The following PRELID2 variants were observed in gnomAD, a reference collection of about 807,000 sequenced individuals.
The protein encoded by PRELID2 is PRELI domain containing 2.
A neutral mutation model predicts 28.4 loss-of-function variants in PRELID2; 25 were observed. The ratio of observed to expected loss-of-function variants is 0.88; its 90% CI spans 0.64 to 1.23. The LOEUF (loss-of-function observed/expected upper bound fraction) is 1.23, where lower values mean the gene tolerates loss of function less well. PRELID2 is among the 50% of genes most tolerant of loss of function. PRELID2 has a pLI of 0.00. For synonymous variants in PRELID2, 76 were observed against 71.6 expected, an observed-to-expected ratio of 1.06 and a Z score of -0.31; for missense variants, 201 against 214.4, an observed-to-expected ratio of 0.94 and a Z score of 0.39.
chr5:145,438,735 G>A, the PRELID2 span, among the ~76,000 whole-genome samples: 1 of 152,134 alleles, frequency 6.6e-6, no homozygotes, highest in Admixed American at 6.6e-5. Flanking sequence ...GAAACCTCAT[G>A]CCTATCTTCC....
intron 1 of PRELID2, among the ~76,000 whole-genome samples, chr5:145,748,022 G>C (rs543061271): frequency 2.2e-4 from 34 of 152,098 alleles, no homozygotes; most frequent in Non-Finnish European, 4.3e-4. Flanking sequence ...AATAATAAGA[G>C]CCATTTATGA....
the PRELID2 span, among the ~76,000 whole-genome samples, chr5:145,347,506 T>A: frequency 1.5e-4 from 23 of 152,302 alleles, no homozygotes; most frequent in South Asian, 4.8e-3. Flanking sequence ...TGGATTTGAT[T>A]CAAATTTCAC....
At position 145,690,549 on chromosome 5, in the gene PRELID2, G is replaced by A. The variant is rs139606581; in HGVS notation, n.70+74382C>T. ...ACAACCACAAGAGGCAAGCTTGTTT[G>A]AATATAGGGATGCTACATCAACATG... is the stretch of plus-strand genomic sequence containing the variant. On this transcript the variant is annotated intron_variant and non_coding_transcript_variant, in intron 1 of 2. Coordinates refer to the PRELID2 transcript ENST00000510259. Among the ~76,000 whole-genome samples, 733 of 152,312 alleles carry A rather than the reference G, an allele frequency of 4.8e-3. 24 individuals are homozygous for A. The highest frequency in any genetic ancestry group is 0.037 in the Admixed American group (568 of 15,294).
the PRELID2 span, among the ~76,000 whole-genome samples, chr5:145,249,839 T>C: frequency 2.0e-5 from 3 of 151,786 alleles, no homozygotes; most frequent in Non-Finnish European, 4.4e-5. Flanking sequence ...AAGAGTGAGG[T>C]GATAGAACCT....
chr5:145,232,359 G>T, the PRELID2 span, among the ~76,000 whole-genome samples: 1 of 152,146 alleles, frequency 6.6e-6, no homozygotes, highest in African/African-American at 2.4e-5. Context: ...AAATTCAGTG[G>T]CTTGCCTGAG....
intron 1 of PRELID2, among the ~76,000 whole-genome samples, chr5:145,560,821 C>A (rs774546867): frequency 3.3e-5 from 5 of 152,186 alleles, no homozygotes; most frequent in African/African-American, 9.6e-5. Context: ...TTTCCCAGTG[C>A]AGTTAGGGCT....
At chr5:145,294,476 C>A in the PRELID2 span, among the ~76,000 whole-genome samples, 334 of 152,278 alleles carry the variant, frequency 2.2e-3, 2 homozygotes, top group African/African-American at 7.7e-3. Flanking sequence ...ACACTGTACA[C>A]AGCTGTAGAA....
chr5:145,409,159 A>T, the PRELID2 span, among the ~76,000 whole-genome samples: 1 of 152,210 alleles, frequency 6.6e-6, no homozygotes, highest in Non-Finnish European at 1.5e-5. Flanking sequence ...TTTTTCAGAC[A>T]AACAAATGCT....
At chr5:145,335,976 G>T in the PRELID2 span, among the ~76,000 whole-genome samples, 1 of 152,220 alleles carries the variant, frequency 6.6e-6, no homozygotes, top group Non-Finnish European at 1.5e-5. Context: ...TAACTGGTGT[G>T]AGATGGTATC....
At chr5:145,504,526 A>G (rs1487759804) in intron 1 of PRELID2, among the ~76,000 whole-genome samples, 2 of 152,140 alleles carry the variant, frequency 1.3e-5, no homozygotes, top group African/African-American at 2.4e-5. Context: ...CTTTCAGTGG[A>G]CAGATGACCA....
At chr5:145,658,601 C>T (rs890210103) in intron 1 of PRELID2, among the ~76,000 whole-genome samples, 7 of 152,100 alleles carry the variant, frequency 4.6e-5, no homozygotes, top group Non-Finnish European at 7.4e-5. Context: ...CTCTCTCACT[C>T]TCTCTCTCTA....
At chr5:145,311,685 A>G in the PRELID2 span, among the ~76,000 whole-genome samples, 2 of 152,220 alleles carry the variant, frequency 1.3e-5, no homozygotes, top group African/African-American at 4.8e-5. Flanking sequence ...GTTAAATAGC[A>G]TGGTAAACAA....
chr5:145,238,438 C>T, the PRELID2 span, among the ~76,000 whole-genome samples: 1 of 152,070 alleles, frequency 6.6e-6, no homozygotes, highest in Non-Finnish European at 1.5e-5. Context: ...TATGACTCCC[C>T]CACAGAATAT....
At chr5:145,297,376 A>G in the PRELID2 span, among the ~76,000 whole-genome samples, 19 of 152,224 alleles carry the variant, frequency 1.2e-4, no homozygotes, top group East Asian at 2.1e-3. Flanking sequence ...CCACATGATT[A>G]TCTCAATAGA....
chr5:145,273,966 C>T, the PRELID2 span, among the ~76,000 whole-genome samples: 1 of 152,016 alleles, frequency 6.6e-6, no homozygotes, highest in Non-Finnish European at 1.5e-5. Flanking sequence ...ACTGCAGTGG[C>T]TGAAGCATAG....
At chr5:145,278,773 G>A in the PRELID2 span, among the ~76,000 whole-genome samples, 595 of 152,214 alleles carry the variant, frequency 3.9e-3, 3 homozygotes, top group African/African-American at 0.014. Flanking sequence ...TTCTACTACC[G>A]TTGGGGTATA....
rs35401852 is a variant in PRELID2 at position 145,604,882 on chromosome 5, CATAT to C, written n.71-131571_71-131568del. The stretch of plus-strand genomic sequence containing the variant: ...ACCATATTTTAATATGCTTGTTGGC[CATAT>C]ATATATATATATATATATTCTATTG... On this transcript the variant is annotated intron_variant and non_coding_transcript_variant, in intron 1 of 2. Coordinates refer to the PRELID2 transcript ENST00000510259. Among the ~76,000 whole-genome samples the C allele has an allele frequency of 7.4e-3, 857 of 116,114 alleles. 20 individuals carry two copies. Among genetic ancestry groups the C allele is most frequent in the Non-Finnish European group, 9.7e-3 (580 of 59,664 alleles). 76.2% of individuals were successfully genotyped at this position (116,114 alleles called of 152,430 possible).
At chr5:145,624,732 T>C (rs1753820074) in intron 1 of PRELID2, among the ~76,000 whole-genome samples, 1 of 152,156 alleles carries the variant, frequency 6.6e-6, no homozygotes, top group African/African-American at 2.4e-5. Flanking sequence ...AAGAGATTTA[T>C]AAATTTGGCT....
At chr5:145,265,245 G>C in the PRELID2 span, among the ~76,000 whole-genome samples, 1 of 151,884 alleles carries the variant, frequency 6.6e-6, no homozygotes, top group Non-Finnish European at 1.5e-5. Context: ...AAAATACTTA[G>C]GAACATACCT....
Sources: allele counts gnomAD v4.1 joint callset (sites outside exome capture counted in the v4.1 genomes callset), GRCh38; gene constraint gnomAD v4.1.1; transcripts MANE v1.5; gene names NCBI Gene and HGNC (gene_info 2026-07-23, HGNC 2026-07-21).